CSNK1G2: variants seen among roughly 807,000 people sequenced by gnomAD.
CSNK1G2 encodes casein kinase I isoform gamma-2.
A neutral mutation model predicts 48.0 loss-of-function variants in CSNK1G2; 11 were observed. That is an observed-to-expected ratio of 0.23 (90% CI 0.14 to 0.38). The LOEUF (loss-of-function observed/expected upper bound fraction) is 0.38. CSNK1G2 is among the 10% of genes least tolerant of loss of function. The pLI, the probability that CSNK1G2 is intolerant of heterozygous loss-of-function variation, is 1.00. For synonymous variants in CSNK1G2, 337 were observed against 254.1 expected (o/e 1.33, Z -3.10); for missense variants, 446 against 595.5 (o/e 0.75, Z 2.61).
At chr19:1,975,774 G>T (rs777910690) in intron 2 of CSNK1G2, 1 of 985,090 alleles carries the variant, frequency 1.0e-6, no homozygotes, top group East Asian at 1.1e-4. Context: ...AGTGGCTCAC[G>T]CCTGTAATCC....
Position 1,979,898 on chromosome 19 carries a change from C to G in CSNK1G2, c.1087-13C>G. On this transcript the variant is annotated splice_polypyrimidine_tract_variant and intron_variant, in intron 10 of 11. Coordinates refer to ENST00000255641, the MANE Select transcript of CSNK1G2 (RefSeq NM_001319.7). ...CATGGGCGGCCAGCGTGACCCCCTACTGCCCCCACCAGGCGTTGAACTCCA... is the reference window on the plus strand; with the variant it reads ...CATGGGCGGCCAGCGTGACCCCCTAGTGCCCCCACCAGGCGTTGAACTCCA... 1 of 1,607,226 alleles carries G rather than the reference C, an allele frequency of 6.2e-7. No homozygotes were observed. Among genetic ancestry groups the G allele is most frequent in the Non-Finnish European group, 8.5e-7 (1 of 1,177,340 alleles).
In CSNK1G2 at chr19:1,979,171, C is replaced by T. The variant is rs1384665909; in HGVS notation, c.691C>T (p.Arg231Cys). ...INTHLGKEQSRRDDLEALGHM... is the reference protein window; with the variant it reads ...INTHLGKEQSCRDDLEALGHM... The stretch of plus-strand genomic sequence containing the variant: ...CGCCCCTGTCCCCGCAGAGCAGAGC[C>T]GCCGCGACGACCTGGAGGCGCTGGG... The change falls in exon 7 of 12, where the codon CGC (arginine) becomes TGC (cysteine). Residue 231 changes from arginine (R) to cysteine (C), a missense_variant. Physicochemically the swap from Arg to Cys is radical, Grantham distance 180. This residue lies in a region of CSNK1G2 where 258 missense variants were observed against 415.9 expected (regional missense o/e 0.62). Transcript: ENST00000255641. 2.6e-6 allele frequency: 4 copies of T among 1,527,392 alleles called. No individual in the cohort carries two copies. Among genetic ancestry groups the T allele is most frequent in the Non-Finnish European group, 2.6e-6 (3 of 1,135,552 alleles). 94.6% of individuals were successfully genotyped at this position (1,527,392 alleles called of 1,614,324 possible).
At position 1,950,558 on chromosome 19, in the gene CSNK1G2, G is replaced by A. The variant is rs183852255; in HGVS notation, c.-266+9140G>A. On this transcript the variant is annotated intron_variant, in intron 1 of 11. Transcript: ENST00000255641. ...CCTCAGATTCCAGGAGATGAGCACC[G>A]TCCGCTTTCCAGAGAAAATTGTCTG... 8.8e-5 allele frequency among the ~76,000 whole-genome samples: 13 copies of A among 146,922 alleles called. 3 individuals are homozygous for A. The highest frequency in any genetic ancestry group is 3.4e-4 in the Admixed American group (5 of 14,696).
At position 1,979,100 on chromosome 19, in the gene CSNK1G2, T is replaced by A; in HGVS notation, c.682+7T>A. On this transcript the variant is annotated splice_region_variant and intron_variant, in intron 6 of 11. Coordinates refer to ENST00000255641, the MANE Select transcript of CSNK1G2 (RefSeq NM_001319.7). ...AACACGCACCTGGGCAAGGGTGAGCTGCGCGCGCGCGGCGGGGGGCGGGCG... is the reference window on the plus strand; with the variant it reads ...AACACGCACCTGGGCAAGGGTGAGCAGCGCGCGCGCGGCGGGGGGCGGGCG... 2 of 1,584,836 alleles carry A rather than the reference T, an allele frequency of 1.3e-6. No individual in the cohort carries two copies. The highest frequency in any genetic ancestry group is 1.7e-6 in the Non-Finnish European group (2 of 1,171,410).
chr19:1,978,587 T>A lies in CSNK1G2; in HGVS notation c.299-15T>A. On this transcript the variant is annotated splice_polypyrimidine_tract_variant and intron_variant, in intron 4 of 11. Coordinates refer to ENST00000255641, the MANE Select transcript of CSNK1G2 (RefSeq NM_001319.7). The surrounding 1 kb of genome is among the most constrained non-coding windows in gnomAD (Gnocchi z 7.3). ...GGCTGCCGCCGCACGCCCGTGCGTC[T>A]GTCCTCCGCCGCAGAGGGCGTCCCT... 1 of 1,584,296 alleles carries A rather than the reference T, an allele frequency of 6.3e-7. No homozygotes were observed. Among genetic ancestry groups the A allele is most frequent in the Non-Finnish European group, 8.6e-7 (1 of 1,165,852 alleles).
chr19:1,972,892 G>A (rs2015620618), intron 2 of CSNK1G2, among the ~76,000 whole-genome samples: 1 of 150,928 alleles, frequency 6.6e-6, no homozygotes, highest in Admixed American at 6.6e-5. Context: ...CCAAAGTGCT[G>A]GGATTACACA....
chr19:1,976,844 A>G (rs1568203931), intron 2 of CSNK1G2, among the ~76,000 whole-genome samples: 2 of 151,816 alleles, frequency 1.3e-5, no homozygotes, highest in Admixed American at 6.6e-5. Flanking sequence ...GGTTCAGGCA[A>G]TTCTCCTGCC....
intron 1 of CSNK1G2, among the ~76,000 whole-genome samples, chr19:1,948,095 G>T (rs1599888): frequency 2.6e-5 from 4 of 152,064 alleles, no homozygotes; most frequent in African/African-American, 9.7e-5. Context: ...GGCTTCGGGG[G>T]GCGGCCCCGC....
At chr19:1,967,050 C>CTTG (rs1568195651) in intron 1 of CSNK1G2, among the ~76,000 whole-genome samples, 4 of 151,500 alleles carry the variant, frequency 2.6e-5, no homozygotes, top group Admixed American at 2.6e-4. Context: ...AAAGTGTGTC[C>CTTG]TTTGATTAGA....
At chr19:1,961,108 C>T (rs2015184467) in intron 1 of CSNK1G2, among the ~76,000 whole-genome samples, 1 of 152,244 alleles carries the variant, frequency 6.6e-6, no homozygotes, top group Non-Finnish European at 1.5e-5. Context: ...TCCCCCTGTC[C>T]GTCCCGTTGG....
chr19:1,979,086 G>C lies in CSNK1G2; in HGVS notation c.675G>C (p.Leu225=). ...TARYMSINTH[L]GKEQSRRDDL... ...GCTACATGAGCATCAACACGCACCT[G>C]GGCAAGGGTGAGCTGCGCGCGCGCG... Residue 225 remains leucine, a synonymous_variant, in exon 6 of 12, where the codon CTG becomes CTC. Coordinates refer to ENST00000255641, the MANE Select transcript of CSNK1G2 (RefSeq NM_001319.7). The C allele has an allele frequency of 6.3e-7, 1 of 1,598,806 alleles. No homozygotes were observed. Among genetic ancestry groups the C allele is most frequent in the Non-Finnish European group, 8.5e-7 (1 of 1,178,484 alleles).
At chr19:1,955,557 G>T (rs960161971) in intron 1 of CSNK1G2, among the ~76,000 whole-genome samples, 5 of 152,078 alleles carry the variant, frequency 3.3e-5, no homozygotes, top group African/African-American at 1.2e-4. Context: ...GCGAGGCTCC[G>T]CGAGTCGGGG....
chr19:1,953,543 T>A (rs1315379640), intron 1 of CSNK1G2: 4 of 522,064 alleles, frequency 7.7e-6, no homozygotes, highest in Middle Eastern at 3.2e-4. Context: ...GTGGACTAGT[T>A]GCAGGGACAG....
At chr19:1,953,378 G>A in intron 1 of CSNK1G2, 2 of 533,904 alleles carry the variant, frequency 3.7e-6, no homozygotes, top group Non-Finnish European at 7.7e-6. Flanking sequence ...GGGTGGGGGT[G>A]TTCTCACTTC....
At chr19:1,974,181 T>TG (rs2015673483) in intron 2 of CSNK1G2, among the ~76,000 whole-genome samples, 1 of 152,150 alleles carries the variant, frequency 6.6e-6, no homozygotes, top group Non-Finnish European at 1.5e-5. Flanking sequence ...CATGAGCCAC[T>TG]GCACCTGGCC....
rs142010723 is a variant in CSNK1G2 at position 1,955,298 on chromosome 19, C to CCTGCTGCTGCTG, written c.-266+13891_-266+13902dup. ...GCCCTGCCTGTCCTCTGACTGCCCT[C>CCTGCTGCTGCTG]CTGCTGCTGCTGCTGCTGCTGCGAG... On this transcript the variant is annotated intron_variant, in intron 1 of 11. Coordinates refer to ENST00000255641, the MANE Select transcript of CSNK1G2 (RefSeq NM_001319.7). Among the ~76,000 whole-genome samples the CCTGCTGCTGCTG allele has an allele frequency of 6.6e-5, 10 of 151,682 alleles. No homozygotes were observed. In the East Asian group the frequency reaches 7.8e-4, roughly 12 times the overall value.
Position 1,957,507 on chromosome 19 carries a change from G to A in CSNK1G2, c.-265-12001G>A, listed in dbSNP as rs1450896604. Among the ~76,000 whole-genome samples, 3 of 152,230 alleles carry A rather than the reference G, an allele frequency of 2.0e-5. No homozygotes were observed. The East Asian group carries it at 5.8e-4, about 29-fold the overall frequency. On this transcript the variant is annotated intron_variant, in intron 1 of 11. Coordinates refer to ENST00000255641, the MANE Select transcript of CSNK1G2 (RefSeq NM_001319.7). The surrounding 1 kb of genome is among the most constrained non-coding windows in gnomAD (Gnocchi z 5.4). ...CTTGGGTTTGCTGTTAGGAGGGACA[G>A]TGAGCGCAGGCACCTCTCTCTCCAC...
intron 1 of CSNK1G2, among the ~76,000 whole-genome samples, chr19:1,946,704 C>T (rs1477687318): frequency 1.4e-5 from 2 of 146,280 alleles, no homozygotes; most frequent in African/African-American, 2.5e-5. Flanking sequence ...GCTCCGCCTC[C>T]CGGGTTCACG....
intron 1 of CSNK1G2, among the ~76,000 whole-genome samples, chr19:1,942,854 C>A (rs1175362258): frequency 6.6e-6 from 1 of 152,176 alleles, no homozygotes; most frequent in Non-Finnish European, 1.5e-5. Flanking sequence ...TTGTTTTCCC[C>A]TGTGTCTCCA....
Sources: allele counts gnomAD v4.1 joint callset (sites outside exome capture counted in the v4.1 genomes callset), GRCh38; gene constraint gnomAD v4.1.1; regional missense constraint gnomAD v4.1.1; non-coding constraint Gnocchi (gnomAD v3.1); transcripts MANE v1.5; gene names NCBI Gene and HGNC (gene_info 2026-07-23, HGNC 2026-07-21).